Variants in PCDHA6 observed in about 807,000 individuals in gnomAD.
The protein encoded by PCDHA6 is protocadherin alpha 6, also known as protocadherin alpha-6.
A neutral mutation model predicts 60.3 loss-of-function variants in PCDHA6; 55 were observed. The ratio of observed to expected loss-of-function variants is 0.91; its 90% CI spans 0.73 to 1.14. The LOEUF (loss-of-function observed/expected upper bound fraction) is 1.14. Ranked by LOEUF, PCDHA6 falls within the 50% of genes most tolerant of loss-of-function variation. The probability of loss-of-function intolerance (pLI) is 0.00; values close to 1 mark genes in which losing one functional copy is unlikely to be tolerated. For synonymous variants in PCDHA6, 652 were observed against 557.9 expected (o/e 1.17, Z -2.38); for missense variants, 1,327 against 1,256.5 (o/e 1.06, Z -0.85).
At chr5:140,921,834 A>G (rs2080429595) in intron 1 of PCDHA6, among the ~76,000 whole-genome samples, 1 of 152,142 alleles carries the variant, frequency 6.6e-6, no homozygotes, top group Non-Finnish European at 1.5e-5. Context: ...ATACACATAT[A>G]GACATATTTA....
chr5:140,831,301 T>C (rs2150193400), intron 1 of PCDHA6: 1 of 152,322 alleles, frequency 6.6e-6, no homozygotes, highest in African/African-American at 2.4e-5. Context: ...TCTAAATCTA[T>C]TTCTTTGTAT....
intron 1 of PCDHA6, chr5:140,856,389 A>G (rs1554148624): frequency 6.3e-7 from 1 of 1,598,440 alleles, no homozygotes; most frequent in African/African-American, 1.3e-5. Context: ...AGGCCGCTGC[A>G]GGTTTTCCAT....
rs2150277995 is a variant in PCDHA6, at chr5:140,837,636, T to C, written c.2394+7151T>C. On this transcript the variant is annotated intron_variant, in intron 1 of 3. Coordinates refer to ENST00000529310, the MANE Select transcript of PCDHA6 (RefSeq NM_018909.4). ...TTGCCCCTTCCTTCCTTCCTTCCTTTCTTTCTTTCTTTCTTCCTTTTTCTT... is the reference window on the plus strand; with the variant it reads ...TTGCCCCTTCCTTCCTTCCTTCCTTCCTTTCTTTCTTTCTTCCTTTTTCTT... Among the ~76,000 whole-genome samples the C allele has an allele frequency of 1.4e-3, 182 of 134,336 alleles. 3 individuals are homozygous for C. Among genetic ancestry groups the C allele is most frequent in the African/African-American group, 3.6e-3 (92 of 25,542 alleles). The allele number at this position is 134,336 out of a possible 152,430, so 88.1% of individuals were successfully genotyped here.
At chr5:140,870,789 G>A in intron 1 of PCDHA6, 3 of 1,613,630 alleles carry the variant, frequency 1.9e-6, no homozygotes, top group Admixed American at 1.7e-5. Context: ...ACAACGCGCC[G>A]GCACTGCTGG....
intron 1 of PCDHA6, among the ~76,000 whole-genome samples, chr5:140,923,098 A>C (rs1003952878): frequency 5.9e-5 from 9 of 152,184 alleles, no homozygotes; most frequent in Non-Finnish European, 1.0e-4. Context: ...GACCAATGGG[A>C]GTATGATTTT....
chr5:140,980,441 A>G (rs1454168972), intron 2 of PCDHA6, among the ~76,000 whole-genome samples: 7 of 152,124 alleles, frequency 4.6e-5, no homozygotes, highest in African/African-American at 1.7e-4. Context: ...ACCATCCTGG[A>G]CAACACGGTG....
intron 1 of PCDHA6, among the ~76,000 whole-genome samples, chr5:140,920,841 T>TAAA (rs781921146): frequency 2.7e-5 from 3 of 109,230 alleles, no homozygotes; most frequent in East Asian, 2.6e-4. Context: ...AGACCAAATC[T>TAAA]AAAAAAAAAA....
chr5:141,003,981 C>T (rs1485203944), intron 3 of PCDHA6, among the ~76,000 whole-genome samples: 9 of 152,072 alleles, frequency 5.9e-5, no homozygotes, highest in Admixed American at 2.6e-4. Flanking sequence ...GGGGACTTGC[C>T]GGAGATCCTA....
chr5:140,953,576 C>T (rs1466296429), intron 1 of PCDHA6, among the ~76,000 whole-genome samples: 1 of 152,090 alleles, frequency 6.6e-6, no homozygotes, highest in Non-Finnish European at 1.5e-5. Flanking sequence ...CCTCCTCTCC[C>T]AAAACTGCCT....
chr5:140,848,526 G>A (rs1781577604), intron 1 of PCDHA6: 2 of 1,594,266 alleles, frequency 1.3e-6, no homozygotes, highest in Admixed American at 1.7e-5. Flanking sequence ...AGATCCAGAG[G>A]GTCAGCCTCT....
intron 1 of PCDHA6, chr5:140,866,685 A>T (rs2049496850): frequency 6.6e-6 from 1 of 152,190 alleles, no homozygotes; most frequent in Admixed American, 6.5e-5. Context: ...TAGGTCTGTT[A>T]GAATATCAGT....
chr5:140,844,793 A>G (rs1417087435), intron 1 of PCDHA6, among the ~76,000 whole-genome samples: 1 of 149,016 alleles, frequency 6.7e-6, no homozygotes, highest in Non-Finnish European at 1.5e-5. Context: ...ATCTTTCAAC[A>G]TTTTCTTTCT....
At chr5:140,843,773 T>A in intron 1 of PCDHA6, 1 of 1,456,190 alleles carries the variant, frequency 6.9e-7, no homozygotes. Context: ...GTAGTTACTT[T>A]AAAAGTGTTT....
intron 1 of PCDHA6, among the ~76,000 whole-genome samples, chr5:140,904,500 T>C (rs1454204932): frequency 6.6e-6 from 1 of 151,976 alleles, no homozygotes; most frequent in African/African-American, 2.4e-5. Flanking sequence ...ATTTTTACAA[T>C]TGTGAATTGT....
chr5:140,941,202 C>CTTTCTTTCTTTCTCT (rs1554213921), intron 1 of PCDHA6, among the ~76,000 whole-genome samples: 1 of 122,742 alleles, frequency 8.1e-6, no homozygotes, highest in African/African-American at 3.0e-5. Context: ...TTTCTTTCTT[C>CTTTCTTTCTTTCTCT]CTTTCTTTCT....
chr5:140,841,768 C>T (rs2150322349), intron 1 of PCDHA6: 2 of 1,613,936 alleles, frequency 1.2e-6, no homozygotes, highest in East Asian at 2.2e-5. Context: ...GAATGCCAGA[C>T]TCTCGGTTTC....
intron 1 of PCDHA6, chr5:140,850,590 TA>T: frequency 6.3e-7 from 1 of 1,598,434 alleles, no homozygotes; most frequent in Non-Finnish European, 8.6e-7. Flanking sequence ...TGTCAACGTG[TA>T]CCTGATCATC....
intron 3 of PCDHA6, among the ~76,000 whole-genome samples, chr5:141,002,223 T>C (rs2098066619): frequency 6.6e-6 from 1 of 151,974 alleles, no homozygotes. Flanking sequence ...AAATGATGGG[T>C]TTTCTGGAAG....
rs1554132444 is a variant in PCDHA6, at chr5:140,829,990, C to T, written c.1899C>T (p.Thr633=). ...RVGLYTGEIS[T]TRVLDEADSP... is the part of the protein sequence containing the mutation. Reference sequence around the variant, plus strand: ...GGCTGTACACGGGCGAGATCAGCACCACTCGTGTCCTGGACGAAGCGGACT... The same window carrying T: ...GGCTGTACACGGGCGAGATCAGCACTACTCGTGTCCTGGACGAAGCGGACT... The change falls in exon 1 of 4, where the codon ACC becomes ACT. Residue 633 remains threonine (T), a synonymous_variant. Coordinates refer to ENST00000529310, the MANE Select transcript of PCDHA6 (RefSeq NM_018909.4). The T allele has an allele frequency of 4.3e-6, 7 of 1,613,856 alleles. No individual in the cohort carries two copies. The highest frequency in any genetic ancestry group is 5.9e-6 in the Non-Finnish European group (7 of 1,179,920).
Sources: allele counts gnomAD v4.1 joint callset (sites outside exome capture counted in the v4.1 genomes callset), GRCh38; gene constraint gnomAD v4.1.1; transcripts MANE v1.5; gene names NCBI Gene and HGNC (gene_info 2026-07-23, HGNC 2026-07-21).